Variants in FIGN observed in about 807,000 individuals in gnomAD.
FIGN encodes the protein fidgetin, microtubule severing factor, also known as fidgetin.
Under a neutral mutation model 51.3 loss-of-function variants are expected in FIGN, and 11 were observed. The observed-to-expected ratio is 0.21, with a 90% CI of 0.13 to 0.35. The LOEUF is 0.35. FIGN is among the 10% of genes least tolerant of loss of function. The probability of loss-of-function intolerance (pLI) is 1.00; values close to 1 mark genes in which losing one functional copy is unlikely to be tolerated. For synonymous variants in FIGN, 407 were observed against 363.2 expected, an observed-to-expected ratio of 1.12 and a Z score of -1.37; for missense variants, 857 against 943.6, an observed-to-expected ratio of 0.91 and a Z score of 1.20.
intron 2 of FIGN, among the ~76,000 whole-genome samples, chr2:163,664,821 G>A (rs748084552): frequency 2.6e-5 from 4 of 152,272 alleles, no homozygotes; most frequent in African/African-American, 7.2e-5. Flanking sequence ...TTGCTATTTC[G>A]TAGTTAGTTC....
chr2:163,716,111 T>C (rs898616851), intron 2 of FIGN, among the ~76,000 whole-genome samples: 2 of 152,228 alleles, frequency 1.3e-5, no homozygotes, highest in African/African-American at 4.8e-5. Context: ...GTTGTCTGTA[T>C]GAATCAGTAA....
chr2:163,611,592 T>C lies in FIGN; in HGVS notation c.240A>G (p.Glu80=). 6.2e-7 allele frequency: 1 copy of C among 1,614,238 alleles called. No homozygotes were observed. ...TGAGTACGGGTCGGTCCACAGGACCTTCCAAAATGCCGGAATACTTCTCTG... is the reference window on the plus strand; with the variant it reads ...TGAGTACGGGTCGGTCCACAGGACCCTCCAAAATGCCGGAATACTTCTCTG... The part of the protein sequence containing the change: ...KYAEKYSGIL[E]GPVDRPVLSN... Residue 80 remains glutamate, a synonymous_variant, in exon 3 of 3, where the codon GAA becomes GAG. Transcript: ENST00000333129.
intron 2 of FIGN, among the ~76,000 whole-genome samples, chr2:163,650,520 C>A (rs1289092433): frequency 6.6e-6 from 1 of 152,050 alleles, no homozygotes; most frequent in African/African-American, 2.4e-5. Context: ...TTAGGTATTT[C>A]TCCTAATGCT....
At chr2:163,685,672 G>C (rs1448805428) in intron 2 of FIGN, among the ~76,000 whole-genome samples, 2 of 152,154 alleles carry the variant, frequency 1.3e-5, no homozygotes, top group Non-Finnish European at 2.9e-5. Flanking sequence ...TTGCAGTATC[G>C]TTATCTGAAG....
At chr2:163,634,298 T>C (rs1199166981) in intron 2 of FIGN, among the ~76,000 whole-genome samples, 1 of 152,190 alleles carries the variant, frequency 6.6e-6, no homozygotes, top group South Asian at 2.1e-4. Flanking sequence ...TCATTTTCCC[T>C]TGACCACTTT....
intron 2 of FIGN, among the ~76,000 whole-genome samples, chr2:163,618,410 A>G (rs1266064416): frequency 1.4e-5 from 2 of 147,272 alleles, no homozygotes; most frequent in East Asian, 1.9e-4. Context: ...TGCATAAAAC[A>G]ATGCTTTTTT....
chr2:163,605,811 A>G lies in FIGN; in HGVS notation c.*3741T>C, dbSNP rs1169214627. On this transcript the variant is annotated 3_prime_UTR_variant, in exon 3 of 3. Transcript: ENST00000333129. ...TGGAGTTGGATACATTTTTAGAGAA[A>G]GAAATTCTAAATGTCTCTAAAAACG... 6.6e-6 allele frequency: 1 copy of G among 152,030 alleles called. No individual in the cohort carries two copies. Among genetic ancestry groups the G allele is most frequent in the Non-Finnish European group, 1.5e-5 (1 of 67,996 alleles). 9.4% of individuals were successfully genotyped at this position (152,030 alleles called of 1,614,324 possible). A position where few individuals can be genotyped will look rare whatever the true frequency, so the allele number is the denominator to read the frequency against.
In FIGN at chr2:163,609,786, G is replaced by T; in HGVS notation, c.2046C>A (p.Val682=). 6.2e-7 allele frequency: 1 copy of T among 1,614,168 alleles called. No homozygotes were observed. The highest frequency in any genetic ancestry group is 8.5e-7 in the Non-Finnish European group (1 of 1,180,024). The change falls in exon 3 of 3, where the codon GTC becomes GTA. Residue 682 remains valine, a synonymous_variant. Transcript: ENST00000333129. The part of the protein sequence containing the change: ...CLNDKEFALL[V]QRTEGFSGLD... ...GTCCAGAAAAGCCTTCTGTGCGCTGGACGAGCAGTGCAAACTCCTTGTCAT... is the reference window on the plus strand; with the variant it reads ...GTCCAGAAAAGCCTTCTGTGCGCTGTACGAGCAGTGCAAACTCCTTGTCAT...
At chr2:163,674,642 T>C (rs925794847) in intron 2 of FIGN, among the ~76,000 whole-genome samples, 3 of 152,172 alleles carry the variant, frequency 2.0e-5, no homozygotes, top group Non-Finnish European at 2.9e-5. Context: ...AAGGATACCA[T>C]AAAGTGGAAG....
chr2:163,734,359 C>T (rs973264234), intron 2 of FIGN, among the ~76,000 whole-genome samples: 1 of 147,818 alleles, frequency 6.8e-6, no homozygotes, highest in East Asian at 2.0e-4. Flanking sequence ...CAAAAAAAAA[C>T]CACACTCAGA....
intron 2 of FIGN, among the ~76,000 whole-genome samples, chr2:163,622,435 T>G (rs1268450608): frequency 6.6e-6 from 1 of 152,162 alleles, no homozygotes; most frequent in Non-Finnish European, 1.5e-5. Flanking sequence ...ATTGTAAAAT[T>G]TTATACTTCT....
At chr2:163,662,384 G>C (rs1428325640) in intron 2 of FIGN, among the ~76,000 whole-genome samples, 2 of 152,166 alleles carry the variant, frequency 1.3e-5, no homozygotes, top group African/African-American at 4.8e-5. Flanking sequence ...TTTCAAAAGG[G>C]AAACAGCATA....
rs981745813 is a variant in FIGN at position 163,626,151 on chromosome 2, T to G, written c.26-14345A>C. 3.9e-5 allele frequency among the ~76,000 whole-genome samples: 6 copies of G among 152,288 alleles called. No homozygotes were observed. The East Asian group carries it at 7.7e-4, about 20-fold the overall frequency. On this transcript the variant is annotated intron_variant, in intron 2 of 2. Transcript: ENST00000333129. The stretch of plus-strand genomic sequence containing the variant: ...CAAATTAATGACTTGTTTCATCTGA[T>G]TTTTTGGAATGCACTTCTTTGAATT...
rs1691193406 is a variant in FIGN, at chr2:163,609,819, G to A, written c.2013C>T (p.Tyr671=). The change falls in exon 3 of 3, where the codon TAC becomes TAT. Residue 671 remains tyrosine (Y), a synonymous_variant. Coordinates refer to ENST00000333129, the MANE Select transcript of FIGN (RefSeq NM_018086.4). ...IIVQLLSQHN[Y]CLNDKEFALL... ...GTGCAAACTCCTTGTCATTGAGACA[G>A]TAATTGTGCTGTGAGAGCAGTTGTA... 2 of 1,614,064 alleles carry A rather than the reference G, an allele frequency of 1.2e-6. No homozygotes were observed. The highest frequency in any genetic ancestry group is 1.3e-5 in the African/African-American group (1 of 74,922).
intron 2 of FIGN, among the ~76,000 whole-genome samples, chr2:163,648,967 A>T (rs989858): frequency 0.76 from 115,824 of 151,988 alleles, 44,175 homozygotes; most frequent in Admixed American, 0.8. Flanking sequence ...GTACACTTTA[A>T]TTTTTTAAAA....
chr2:163,715,621 A>T (rs1257218887), intron 2 of FIGN, among the ~76,000 whole-genome samples: 1 of 152,222 alleles, frequency 6.6e-6, no homozygotes, highest in East Asian at 1.9e-4. Flanking sequence ...GGAATGAATG[A>T]GCAAATGAAA....
At chr2:163,672,310 G>C (rs371389777) in intron 2 of FIGN, among the ~76,000 whole-genome samples, 32 of 151,588 alleles carry the variant, frequency 2.1e-4, no homozygotes, top group African/African-American at 7.5e-4. Context: ...TGATTTCCTT[G>C]CTAAGATTTA....
intron 2 of FIGN, among the ~76,000 whole-genome samples, chr2:163,622,378 T>C (rs1283768724): frequency 6.6e-6 from 1 of 151,944 alleles, no homozygotes; most frequent in Non-Finnish European, 1.5e-5. Flanking sequence ...TTGTTTTTGG[T>C]GGAGTTAAAG....
At chr2:163,622,233 G>T (rs113712458) in intron 2 of FIGN, among the ~76,000 whole-genome samples, 3 of 152,072 alleles carry the variant, frequency 2.0e-5, no homozygotes, top group Non-Finnish European at 2.9e-5. Flanking sequence ...TACTGGGGAC[G>T]CTGAGGCACA....
Sources: allele counts gnomAD v4.1 joint callset (sites outside exome capture counted in the v4.1 genomes callset), GRCh38; gene constraint gnomAD v4.1.1; transcripts MANE v1.5; gene names NCBI Gene and HGNC (gene_info 2026-07-23, HGNC 2026-07-21).